Variants in ATF3 observed in about 807,000 individuals in gnomAD.
ATF3 encodes the protein cyclic AMP-dependent transcription factor ATF-3.
A neutral mutation model predicts 18.4 loss-of-function variants in ATF3; 10 were observed. That is an observed-to-expected ratio of 0.54 (90% CI 0.34 to 0.92). The LOEUF (loss-of-function observed/expected upper bound fraction) is 0.92, where lower values mean the gene tolerates loss of function less well. ATF3 is among the 40% of genes least tolerant of loss of function. The probability of loss-of-function intolerance (pLI) is 0.02; values close to 1 mark genes in which losing one functional copy is unlikely to be tolerated. For synonymous variants in ATF3, 78 were observed against 87.9 expected, an observed-to-expected ratio of 0.89 and a Z score of 0.63; for missense variants, 183 against 222.3, an observed-to-expected ratio of 0.82 and a Z score of 1.12.
intron 1 of ATF3, among the ~76,000 whole-genome samples, chr1:212,574,350 A>G (rs1664534947): frequency 6.6e-6 from 1 of 151,676 alleles, no homozygotes; most frequent in South Asian, 2.1e-4. Flanking sequence ...TTTTTGTTTT[A>G]ATTTCTATTA....
In ATF3 at chr1:212,580,828, G is replaced by T. The variant is rs374171775; in HGVS notation, c.-5+15345G>T. On this transcript the variant is annotated intron_variant, in intron 1 of 3. Transcript: ENST00000366981. Reference sequence around the variant, plus strand: ...CTGTCACCCAGGCTGGAGTGCAGTGGCACAATCTCAGCTTACTGCAACCTT... The same window carrying T: ...CTGTCACCCAGGCTGGAGTGCAGTGTCACAATCTCAGCTTACTGCAACCTT... Among the ~76,000 whole-genome samples, 32 of 152,264 alleles carry T rather than the reference G, an allele frequency of 2.1e-4. No homozygotes were observed. In the East Asian group the frequency reaches 5.6e-3, roughly 27 times the overall value.
intron 1 of ATF3, among the ~76,000 whole-genome samples, chr1:212,586,719 G>A (rs994433734): frequency 1.3e-5 from 2 of 152,220 alleles, no homozygotes; most frequent in African/African-American, 4.8e-5. Context: ...ATAAACATGT[G>A]AAGTGCTGAG....
chr1:212,600,099 G>A (rs1236187614), intron 1 of ATF3, among the ~76,000 whole-genome samples: 1 of 152,240 alleles, frequency 6.6e-6, no homozygotes, highest in Non-Finnish European at 1.5e-5. Flanking sequence ...CAACATACGA[G>A]AGTGGGGATA....
intron 1 of ATF3, among the ~76,000 whole-genome samples, chr1:212,589,944 C>T (rs1664850950): frequency 6.6e-6 from 1 of 151,730 alleles, no homozygotes; most frequent in Non-Finnish European, 1.5e-5. Flanking sequence ...ATAGAATACT[C>T]ATCTAGGATG....
At chr1:212,616,653 G>A (rs1444601326) in intron 2 of ATF3, among the ~76,000 whole-genome samples, 1 of 152,146 alleles carries the variant, frequency 6.6e-6, no homozygotes, top group Non-Finnish European at 1.5e-5. Context: ...TGGGCAGTAG[G>A]GGTAAGACAG....
intron 1 of ATF3, among the ~76,000 whole-genome samples, chr1:212,602,919 T>C (rs1381033164): frequency 1.3e-5 from 2 of 152,250 alleles, no homozygotes; most frequent in African/African-American, 4.8e-5. Context: ...CATATCTATA[T>C]ATGTTTAATA....
chr1:212,581,969 T>C (rs1054306431), intron 1 of ATF3, among the ~76,000 whole-genome samples: 1 of 152,218 alleles, frequency 6.6e-6, no homozygotes, highest in African/African-American at 2.4e-5. Flanking sequence ...ACAAGCACAT[T>C]GGTTTCTGAG....
intron 1 of ATF3, among the ~76,000 whole-genome samples, chr1:212,582,163 T>C (rs966288577): frequency 2.6e-5 from 4 of 152,188 alleles, no homozygotes; most frequent in Admixed American, 6.5e-5. Context: ...TCCCAAACAT[T>C]GAAGGGGACA....
chr1:212,606,456 G>C (rs531006490), upstream of ATF3, among the ~76,000 whole-genome samples: 1 of 152,188 alleles, frequency 6.6e-6, no homozygotes, highest in African/African-American at 2.4e-5. Context: ...ACCCGACCGG[G>C]GTGTTGGGGG....
Position 212,618,062 on chromosome 1 carries a change from C to A in ATF3, c.241-65C>A. ...GCCAGCTTTTGCTGGCAGTAAAAGG[C>A]AGTGTATTTGAGGTAGGTGGCATTT... On this transcript the variant is annotated intron_variant, in intron 2 of 3. Coordinates refer to ENST00000341491, the MANE Select transcript of ATF3 (RefSeq NM_001674.4). This position sits in a 1 kb window ranked among gnomAD's most constrained non-coding sequence, Gnocchi z 4.4. 1 of 1,520,380 alleles carries A rather than the reference C, an allele frequency of 6.6e-7. No homozygotes were observed. The highest frequency in any genetic ancestry group is 9.1e-7 in the Non-Finnish European group (1 of 1,098,210). 94.2% of individuals were successfully genotyped at this position (1,520,380 alleles called of 1,614,324 possible).
chr1:212,599,427 G>A (rs540595063), intron 1 of ATF3, among the ~76,000 whole-genome samples: 1 of 152,280 alleles, frequency 6.6e-6, no homozygotes, highest in Non-Finnish European at 1.5e-5. Context: ...AAAGCCTGAG[G>A]GAAAGCATAA....
Position 212,619,426 on chromosome 1 carries a change from G to A in ATF3, c.417G>A (p.Lys139=), listed in dbSNP as rs1293175478. 6.2e-7 allele frequency: 1 copy of A among 1,614,172 alleles called. No homozygotes were observed. The highest frequency in any genetic ancestry group is 8.5e-7 in the Non-Finnish European group (1 of 1,180,036). Reference sequence around the variant, plus strand: ...AGATTGAGGAGCTCAAGAACGAGAAGCAGCATTTGATATACATGCTCAACC... The same window carrying A: ...AGATTGAGGAGCTCAAGAACGAGAAACAGCATTTGATATACATGCTCAACC... ...KAQIEELKNE[K]QHLIYMLNLH... The change falls in exon 4 of 4, where the codon AAG becomes AAA. Residue 139 remains lysine (K), a synonymous_variant. Transcript: ENST00000341491. The surrounding 1 kb of genome is among the most constrained non-coding windows in gnomAD (Gnocchi z 4.4).
intron 1 of ATF3, among the ~76,000 whole-genome samples, chr1:212,568,365 T>G (rs932510208): frequency 6.6e-6 from 1 of 152,220 alleles, no homozygotes; most frequent in South Asian, 2.1e-4. Flanking sequence ...CACAATTTTA[T>G]TAAGCCTCGT....
At chr1:212,569,033 A>C (rs1223149290) in intron 1 of ATF3, among the ~76,000 whole-genome samples, 1 of 152,212 alleles carries the variant, frequency 6.6e-6, no homozygotes, top group Non-Finnish European at 1.5e-5. Flanking sequence ...AAGGATCTAA[A>C]TGTTTAACAT....
chr1:212,578,527 A>G (rs1664623395), intron 1 of ATF3, among the ~76,000 whole-genome samples: 1 of 152,228 alleles, frequency 6.6e-6, no homozygotes, highest in Non-Finnish European at 1.5e-5. Flanking sequence ...TTATCCAGGC[A>G]GAAATTTTCT....
intron 1 of ATF3, among the ~76,000 whole-genome samples, chr1:212,591,355 G>A (rs1453959509): frequency 6.6e-6 from 1 of 152,234 alleles, no homozygotes; most frequent in East Asian, 1.9e-4. Flanking sequence ...TTGCAAGGGA[G>A]AAAATCTAAA....
intron 1 of ATF3, among the ~76,000 whole-genome samples, chr1:212,588,248 A>G (rs185333776): frequency 1.3e-5 from 2 of 152,184 alleles, no homozygotes; most frequent in Non-Finnish European, 2.9e-5. Context: ...GATTAATTGA[A>G]ACTGCACGTT....
At chr1:212,595,533 A>T (rs546021525) in intron 1 of ATF3, among the ~76,000 whole-genome samples, 3 of 152,228 alleles carry the variant, frequency 2.0e-5, no homozygotes, top group Admixed American at 6.5e-5. Context: ...TGGTCACCCA[A>T]TGCACAGGGA....
intron 1 of ATF3, among the ~76,000 whole-genome samples, chr1:212,589,167 T>A (rs1277242952): frequency 6.6e-6 from 1 of 152,164 alleles, no homozygotes; most frequent in Non-Finnish European, 1.5e-5. Flanking sequence ...ACACTCGGCA[T>A]CACAGCACTC....
Sources: gnomAD v4.1 joint callset for allele counts (sites outside exome capture counted in the v4.1 genomes callset) on GRCh38, gnomAD v4.1.1 for gene constraint, Gnocchi (gnomAD v3.1) non-coding constraint, MANE v1.5 for transcripts, NCBI Gene and HGNC (gene_info 2026-07-23, HGNC 2026-07-21) for gene names.